TMEM165: variants seen among roughly 807,000 people sequenced by gnomAD.
TMEM165 encodes transmembrane protein 165.
Under a neutral mutation model 30.0 loss-of-function variants are expected in TMEM165, and 19 were observed. The observed-to-expected ratio is 0.63, with a 90% CI of 0.44 to 0.93. The LOEUF (loss-of-function observed/expected upper bound fraction) is 0.93, where lower values mean the gene tolerates loss of function less well. Ranked by LOEUF, TMEM165 falls within the 40% of genes least tolerant of loss-of-function variation. The pLI, the probability that TMEM165 is intolerant of heterozygous loss-of-function variation, is 0.00. For synonymous variants in TMEM165, 168 were observed against 162.9 expected (o/e 1.03, Z -0.24); for missense variants, 340 against 417.0 (o/e 0.82, Z 1.61).
At chr4:55,448,298 A>G (rs1188843361) in intron 3 of TMEM165, among the ~76,000 whole-genome samples, 5 of 152,240 alleles carry the variant, frequency 3.3e-5, no homozygotes, top group Non-Finnish European at 5.9e-5. Flanking sequence ...AAGTTACTCA[A>G]TTCTTCCAAT....
intron 3 of TMEM165, chr4:55,442,474 T>G: frequency 2.5e-6 from 4 of 1,607,324 alleles, no homozygotes; most frequent in Non-Finnish European, 3.4e-6. Flanking sequence ...TGCAGCACTC[T>G]GGGTGCTGTT....
At chr4:55,444,302 G>T (rs1159611529) in intron 3 of TMEM165, among the ~76,000 whole-genome samples, 1 of 152,090 alleles carries the variant, frequency 6.6e-6, no homozygotes. Context: ...AAATATTACT[G>T]ATGATTGATT....
At chr4:55,450,662 C>T (rs4864993) in intron 3 of TMEM165, among the ~76,000 whole-genome samples, 7,196 of 151,820 alleles carry the variant, frequency 0.047, 558 homozygotes, top group African/African-American at 0.16. Flanking sequence ...CCAGCTACTC[C>T]GGCGGCTGAG....
chr4:55,447,065 A>C (rs921922946), intron 3 of TMEM165, among the ~76,000 whole-genome samples: 3 of 150,718 alleles, frequency 2.0e-5, no homozygotes, highest in African/African-American at 7.3e-5. Flanking sequence ...TTTAAATATT[A>C]GTCAAAATGT....
chr4:55,433,836 C>T (rs953055538), intron 3 of TMEM165: 3 of 152,140 alleles, frequency 2.0e-5, no homozygotes, highest in African/African-American at 2.4e-5. Flanking sequence ...ATGTGAGTTA[C>T]AATATTCTAA....
Position 55,403,315 on chromosome 4 carries a change from G to C in TMEM165, c.207+6919G>C, listed in dbSNP as rs575259347. On this transcript the variant is annotated intron_variant, in intron 1 of 5. Transcript: ENST00000381334. ...TCTTCATCTTCTCTAGTTTCATCAT[G>C]TATAGATGGAGATTCCGATGCAGGT... 8.2e-5 allele frequency: 105 copies of C among 1,283,340 alleles called. No individual in the cohort carries two copies. The Middle Eastern group carries it at 1.1e-3, about 13-fold the overall frequency. 79.5% of individuals were successfully genotyped at this position (1,283,340 alleles called of 1,614,324 possible).
chr4:55,403,297 C>G (rs1302274113), intron 1 of TMEM165: 1 of 1,277,606 alleles, frequency 7.8e-7, no homozygotes, highest in African/African-American at 1.8e-5. Context: ...GCATCTTCAT[C>G]TTCTCTAGTT....
intron 1 of TMEM165, chr4:55,398,823 G>A (rs1300144841): frequency 6.7e-6 from 1 of 149,182 alleles, no homozygotes; most frequent in Non-Finnish European, 1.5e-5. Context: ...GTTTATATCA[G>A]CTGTTAAATA....
At chr4:55,448,411 A>G (rs910261697) in intron 3 of TMEM165, among the ~76,000 whole-genome samples, 5 of 152,106 alleles carry the variant, frequency 3.3e-5, no homozygotes, top group African/African-American at 1.2e-4. Context: ...AGGCAGGACA[A>G]TTCTTTGTTG....
chr4:55,442,368 AATT>A (rs1224205211), intron 3 of TMEM165: 4 of 1,412,470 alleles, frequency 2.8e-6, no homozygotes, highest in East Asian at 2.3e-5. Flanking sequence ...TAAGAAATCA[AATT>A]ATTGTTTTCT....
intron 3 of TMEM165, among the ~76,000 whole-genome samples, chr4:55,448,465 A>G (rs535608095): frequency 6.6e-6 from 1 of 152,288 alleles, no homozygotes; most frequent in Non-Finnish European, 1.5e-5. Context: ...GTATTCCTGG[A>G]CCATGCTCAC....
At chr4:55,436,830 A>T (rs1013594003) in intron 3 of TMEM165, among the ~76,000 whole-genome samples, 2 of 150,866 alleles carry the variant, frequency 1.3e-5, no homozygotes, top group African/African-American at 4.9e-5. Context: ...CCTACATACA[A>T]GTGTATTTAT....
At chr4:55,439,884 G>A (rs1326831534) in intron 3 of TMEM165, among the ~76,000 whole-genome samples, 2 of 152,198 alleles carry the variant, frequency 1.3e-5, no homozygotes, top group East Asian at 1.9e-4. Context: ...TGGAGTTTCT[G>A]TTTGGGAAGA....
chr4:55,417,349 T>C, intron 3 of TMEM165, 102 bp downstream of exon 3: 1 of 1,139,984 alleles, frequency 8.8e-7, no homozygotes, highest in South Asian at 1.6e-5. Context: ...TATGCGGGGC[T>C]ACACAAAAAT....
chr4:55,425,227 A>G (rs1222822393), intron 5 of TMEM165, 149 bp from the exon 6 acceptor site: 4 of 620,256 alleles, frequency 6.4e-6, no homozygotes, highest in East Asian at 5.5e-5. Context: ...TTGTTATGTA[A>G]AAGGGGTTGA....
chr4:55,422,797 C>A (rs1722035542), intron 4 of TMEM165, among the ~76,000 whole-genome samples: 1 of 152,050 alleles, frequency 6.6e-6, no homozygotes, highest in African/African-American at 2.4e-5. Flanking sequence ...CTACAGGTGC[C>A]TGCCACCACA....
chr4:55,448,601 CGTGTGT>C (rs3034980), intron 3 of TMEM165, among the ~76,000 whole-genome samples: 1,855 of 117,012 alleles, frequency 0.016, 26 homozygotes, highest in Middle Eastern at 0.076. Flanking sequence ...CGCACGCGCG[CGTGTGT>C]GTGTGTGTGT....
At chr4:55,442,263 T>A in intron 3 of TMEM165, 1 of 647,472 alleles carries the variant, frequency 1.5e-6, no homozygotes, top group Non-Finnish European at 2.6e-6. Flanking sequence ...AATTATGAAG[T>A]CTTTAAACAA....
chr4:55,438,298 G>T (rs767458103), intron 3 of TMEM165: 2 of 1,614,088 alleles, frequency 1.2e-6, no homozygotes, highest in South Asian at 1.1e-5. Context: ...AAATTGTTGC[G>T]GTGGCTGGGT....
Sources: allele counts gnomAD v4.1 joint callset (sites outside exome capture counted in the v4.1 genomes callset), GRCh38; gene constraint gnomAD v4.1.1; transcripts MANE v1.5; gene names NCBI Gene and HGNC (gene_info 2026-07-23, HGNC 2026-07-21).